RORB: variants seen among roughly 807,000 people sequenced by gnomAD.
RORB encodes the protein RAR related orphan receptor B, also known as nuclear receptor ROR-beta.
A neutral mutation model predicts 59.1 loss-of-function variants in RORB; 6 were observed. The observed-to-expected ratio is 0.10, with a 90% CI of 0.06 to 0.20. The LOEUF (loss-of-function observed/expected upper bound fraction) is 0.20, where lower values mean the gene tolerates loss of function less well. Ranked by LOEUF, RORB falls within the 10% of genes least tolerant of loss-of-function variation. The probability of loss-of-function intolerance (pLI) is 1.00; values close to 1 mark genes in which losing one functional copy is unlikely to be tolerated. For synonymous variants in RORB, 215 were observed against 204.5 expected, an observed-to-expected ratio of 1.05 and a Z score of -0.44; for missense variants, 320 against 560.5, an observed-to-expected ratio of 0.57 and a Z score of 4.33.
At chr9:74,547,359 G>C (rs1290058953) in intron 1 of RORB, among the ~76,000 whole-genome samples, 1 of 152,118 alleles carries the variant, frequency 6.6e-6, no homozygotes, top group Non-Finnish European at 1.5e-5. Flanking sequence ...TTTAGAGCTA[G>C]AGAAGAGGGA....
chr9:74,633,931 G>A (rs1181614677), intron 2 of RORB, among the ~76,000 whole-genome samples: 3 of 151,856 alleles, frequency 2.0e-5, no homozygotes, highest in Non-Finnish European at 1.5e-5. Context: ...ACCCGGTCAC[G>A]GTGGCACACA....
chr9:74,545,050 A>C (rs189500536), intron 1 of RORB, among the ~76,000 whole-genome samples: 262 of 151,944 alleles, frequency 1.7e-3, no homozygotes, highest in African/African-American at 6.0e-3. Flanking sequence ...ATTGCTATGT[A>C]CTACAGAACT....
chr9:74,572,135 G>A (rs559604845), intron 1 of RORB, among the ~76,000 whole-genome samples: 3 of 152,182 alleles, frequency 2.0e-5, no homozygotes, highest in South Asian at 4.2e-4. Flanking sequence ...TGTACCATGC[G>A]ATACTGAATG....
intron 1 of RORB, among the ~76,000 whole-genome samples, chr9:74,505,444 G>A (rs778104749): frequency 7.9e-5 from 12 of 152,028 alleles, no homozygotes; most frequent in Non-Finnish European, 1.2e-4. Context: ...AAAAAGAAAT[G>A]TACATGACTC....
At chr9:74,581,346 C>T (rs1218998355) in intron 1 of RORB, among the ~76,000 whole-genome samples, 1 of 152,148 alleles carries the variant, frequency 6.6e-6, no homozygotes, top group African/African-American at 2.4e-5. Flanking sequence ...TGCTCTACTG[C>T]TACATCAGCT....
At chr9:74,509,316 C>T (rs1825904975) in intron 1 of RORB, among the ~76,000 whole-genome samples, 1 of 151,884 alleles carries the variant, frequency 6.6e-6, no homozygotes, top group Non-Finnish European at 1.5e-5. Flanking sequence ...TTTTATCTTT[C>T]CATAATTATT....
intron 9 of RORB, among the ~76,000 whole-genome samples, chr9:74,678,585 G>C (rs1344962232): frequency 6.6e-6 from 1 of 152,292 alleles, no homozygotes; most frequent in East Asian, 1.9e-4. Context: ...CATTGGTAGT[G>C]CATTATCATT....
rs144566405 is a variant in RORB, at chr9:74,668,478, T to C, written c.1111+577T>C. Among the ~76,000 whole-genome samples the C allele has an allele frequency of 5.2e-3, 790 of 152,324 alleles. 6 individuals carry two copies. The highest frequency in any genetic ancestry group is 0.018 in the African/African-American group (763 of 41,582). On this transcript the variant is annotated intron_variant, in intron 8 of 9. Transcript: ENST00000376896. ...TTAACTCCCTGCATGCAGTCAAAAATCTGCATGTAACTTCTGACTCCGAAA... is the reference window on the plus strand; with the variant it reads ...TTAACTCCCTGCATGCAGTCAAAAACCTGCATGTAACTTCTGACTCCGAAA...
chr9:74,545,112 T>G (rs1259286795), intron 1 of RORB, among the ~76,000 whole-genome samples: 4 of 151,732 alleles, frequency 2.6e-5, no homozygotes, highest in African/African-American at 9.7e-5. Flanking sequence ...TTTTTTTTTT[T>G]GCGGCGCTTA....
intron 7 of RORB, among the ~76,000 whole-genome samples, chr9:74,667,317 C>T (rs1587415251): frequency 2.0e-5 from 3 of 152,168 alleles, no homozygotes; most frequent in Non-Finnish European, 2.9e-5. Context: ...ATATTTCTAA[C>T]GTCTCAGTTT....
chr9:74,651,036 A>T (rs1226555000), intron 4 of RORB, among the ~76,000 whole-genome samples: 1 of 152,204 alleles, frequency 6.6e-6, no homozygotes, highest in Non-Finnish European at 1.5e-5. Context: ...ATGAGATTTC[A>T]TCATCTGTGA....
intron 4 of RORB, 35 bp downstream of exon 4, chr9:74,642,850 A>C: frequency 6.6e-7 from 1 of 1,511,916 alleles, no homozygotes; most frequent in Middle Eastern, 1.8e-4. Flanking sequence ...GCTTTTTTTG[A>C]GATTTTGCTT....
At chr9:74,641,961 T>C (rs1454358595) in intron 3 of RORB, among the ~76,000 whole-genome samples, 1 of 151,808 alleles carries the variant, frequency 6.6e-6, no homozygotes, top group Non-Finnish European at 1.5e-5. Context: ...AAACAGAAAA[T>C]AGATTTGAAA....
intron 4 of RORB, among the ~76,000 whole-genome samples, chr9:74,647,616 T>C (rs867057425): frequency 4.3e-4 from 66 of 152,330 alleles, no homozygotes; most frequent in African/African-American, 1.5e-3. Context: ...TGCTTTCGTG[T>C]TCTATTTATA....
intron 4 of RORB, among the ~76,000 whole-genome samples, chr9:74,655,716 A>T (rs749581182): frequency 6.6e-6 from 1 of 152,106 alleles, no homozygotes; most frequent in Non-Finnish European, 1.5e-5. Flanking sequence ...CTCTTTTCAC[A>T]ACTGCAGACT....
intron 1 of RORB, among the ~76,000 whole-genome samples, chr9:74,582,745 T>G (rs1437155235): frequency 6.6e-6 from 1 of 152,166 alleles, no homozygotes; most frequent in Non-Finnish European, 1.5e-5. Flanking sequence ...TGCCGTCTTG[T>G]GCCCATCTCC....
At chr9:74,590,963 C>G (rs1333899953) in intron 1 of RORB, among the ~76,000 whole-genome samples, 1 of 151,884 alleles carries the variant, frequency 6.6e-6, no homozygotes, top group Non-Finnish European at 1.5e-5. Flanking sequence ...GCCCAGCTAA[C>G]TTTTTGTATT....
At chr9:74,522,791 C>T (rs1230165768) in intron 1 of RORB, among the ~76,000 whole-genome samples, 1 of 151,732 alleles carries the variant, frequency 6.6e-6, no homozygotes, top group Non-Finnish European at 1.5e-5. Flanking sequence ...CCACTGTACC[C>T]AGATAATCAA....
chr9:74,570,466 T>A (rs1393792712), intron 1 of RORB, among the ~76,000 whole-genome samples: 2 of 152,140 alleles, frequency 1.3e-5, no homozygotes, highest in African/African-American at 4.8e-5. Context: ...ACCTTGTAAA[T>A]TCAGAATACA....
Sources: gnomAD v4.1 joint callset for allele counts (sites outside exome capture counted in the v4.1 genomes callset) on GRCh38, gnomAD v4.1.1 for gene constraint, MANE v1.5 for transcripts, NCBI Gene and HGNC (gene_info 2026-07-23, HGNC 2026-07-21) for gene names.